PTPN13: variants seen among roughly 807,000 people sequenced by gnomAD.
The protein encoded by PTPN13 is tyrosine-protein phosphatase non-receptor type 13.
In PTPN13, 191 loss-of-function variants were observed where a neutral mutation model predicts 284.0. That is an observed-to-expected ratio of 0.67 (90% CI 0.60 to 0.76). The LOEUF is 0.76. Ranked by LOEUF, PTPN13 falls within the 30% of genes least tolerant of loss-of-function variation. PTPN13 has a pLI of 0.00. For synonymous variants in PTPN13, 986 were observed against 1,022.3 expected (o/e 0.96, Z 0.68); for missense variants, 2,797 against 2,939.9 (o/e 0.95, Z 1.12).
rs187776770 is a variant in PTPN13 at position 86,776,653 on chromosome 4, C to T, written c.5891+1001C>T. Among the ~76,000 whole-genome samples the T allele has an allele frequency of 4.5e-3, 680 of 152,334 alleles. 16 individuals carry two copies. Among genetic ancestry groups the T allele is most frequent in the East Asian group, 2.7e-3 (14 of 5,190 alleles). ...TTAAAATACCCAACCTACCAAACAT[C>T]ACAGCTTATTAGCCTAGCCTAGCCT... On this transcript the variant is annotated intron_variant, in intron 35 of 47. Coordinates refer to ENST00000411767, the MANE Select transcript of PTPN13 (RefSeq NM_080683.3).
intron 33 of PTPN13, 136 bp downstream of exon 33, chr4:86,774,667 G>T: frequency 1.9e-6 from 1 of 533,698 alleles, no homozygotes. Context: ...TAAAAGTAAA[G>T]GCCTTCATAT....
intron 2 of PTPN13, among the ~76,000 whole-genome samples, chr4:86,664,881 G>C (rs571666852): frequency 2.0e-5 from 3 of 152,248 alleles, no homozygotes; most frequent in South Asian, 2.1e-4. Context: ...CAAGAGACCT[G>C]CTTCCCTCTA....
intron 2 of PTPN13, among the ~76,000 whole-genome samples, chr4:86,670,649 T>C (rs150310422): frequency 4.5e-4 from 68 of 152,304 alleles, no homozygotes; most frequent in African/African-American, 1.6e-3. Context: ...ATTGGTCTCC[T>C]AGTGTTTGTT....
In PTPN13 at chr4:86,758,801, G is replaced by A. The variant is rs1705771056; in HGVS notation, c.3421+16G>A. The A allele has an allele frequency of 6.2e-7, 1 of 1,606,778 alleles. No homozygotes were observed. Among genetic ancestry groups the A allele is most frequent in the Admixed American group, 1.7e-5 (1 of 58,290 alleles). On this transcript the variant is annotated intron_variant, in intron 22 of 47. Coordinates refer to ENST00000411767, the MANE Select transcript of PTPN13 (RefSeq NM_080683.3). ...TTGAAGCCAGGTACTTTACATTTTG[G>A]TAGTTTTCTAAGTATTTTCTGACAG... is the stretch of plus-strand genomic sequence containing the variant.
chr4:86,773,410 T>G (rs1417824826), intron 32 of PTPN13, among the ~76,000 whole-genome samples: 1 of 141,046 alleles, frequency 7.1e-6, no homozygotes, highest in Non-Finnish European at 1.5e-5. Context: ...TGAATGTAAT[T>G]TTTTTTTTCT....
At chr4:86,791,994 A>G (rs1191969578) in intron 40 of PTPN13, among the ~76,000 whole-genome samples, 11 of 152,232 alleles carry the variant, frequency 7.2e-5, no homozygotes, top group Admixed American at 7.2e-4. Flanking sequence ...ACAAAACTGG[A>G]CAGAGGATGA....
chr4:86,787,155 G>T (rs1233070329), intron 40 of PTPN13, among the ~76,000 whole-genome samples: 1 of 151,406 alleles, frequency 6.6e-6, no homozygotes, highest in Non-Finnish European at 1.5e-5. Context: ...AGTAAGGAAA[G>T]CTTGTTAATA....
At chr4:86,771,059 C>T (rs1042847757) in intron 30 of PTPN13, 112 bp from the exon 31 acceptor site, 1 of 1,153,934 alleles carries the variant, frequency 8.7e-7, no homozygotes, top group South Asian at 1.9e-5. Context: ...CTTTTATCAT[C>T]AGAAAATTCA....
intron 19 of PTPN13, among the ~76,000 whole-genome samples, chr4:86,751,372 T>A (rs960091091): frequency 6.6e-6 from 1 of 152,136 alleles, no homozygotes; most frequent in Non-Finnish European, 1.5e-5. Context: ...TGTCACCCAG[T>A]CTGGAGTGCA....
Position 86,799,144 on chromosome 4 carries a change from A to G in PTPN13, c.6445A>G (p.Ile2149Val). Residue 2149 changes from isoleucine to valine, a missense_variant, in exon 42 of 48, where the codon ATA becomes GTA. Coordinates refer to ENST00000411767, the MANE Select transcript of PTPN13 (RefSeq NM_080683.3). ...AGAAAAGAAGACTGATGATGATGAAATAACATGGGGAAATGATGAGTTGCC... is the reference window on the plus strand; with the variant it reads ...AGAAAAGAAGACTGATGATGATGAAGTAACATGGGGAAATGATGAGTTGCC... ...PQEKKTDDDEITWGNDELPIE... is the reference protein window; with the variant it reads ...PQEKKTDDDEVTWGNDELPIE... 1 of 1,596,208 alleles carries G rather than the reference A, an allele frequency of 6.3e-7. No individual in the cohort carries two copies. Among genetic ancestry groups the G allele is most frequent in the Non-Finnish European group, 8.5e-7 (1 of 1,172,290 alleles).
chr4:86,680,787 C>T (rs1435559249), intron 3 of PTPN13, among the ~76,000 whole-genome samples: 1 of 152,174 alleles, frequency 6.6e-6, no homozygotes, highest in Non-Finnish European at 1.5e-5. Flanking sequence ...AGGCTGTAGC[C>T]AGTGATTATT....
intron 1 of PTPN13, among the ~76,000 whole-genome samples, chr4:86,604,622 C>T (rs541084762): frequency 6.3e-4 from 96 of 151,632 alleles, no homozygotes; most frequent in African/African-American, 2.0e-3. Context: ...CCGCCATGTC[C>T]CCTTGAATAT....
chr4:86,771,572 GGTT>G, intron 31 of PTPN13, 37 bp downstream of exon 31: 2 of 1,509,302 alleles, frequency 1.3e-6, no homozygotes, highest in African/African-American at 2.8e-5. Flanking sequence ...CAAAGCAACT[GGTT>G]GTTGTTAGTA....
In PTPN13 at chr4:86,766,381, T is replaced by C; in HGVS notation, c.4244-51T>C. On this transcript the variant is annotated intron_variant, in intron 26 of 47. Transcript: ENST00000411767. ...GAATACGAAATAAGACCATAAGATT[T>C]AAAAGAACATGTAGGATTTTTATTT... The C allele has an allele frequency of 1.0e-5, 14 of 1,405,594 alleles. No homozygotes were observed. The South Asian group carries it at 1.8e-4, about 18-fold the overall frequency. The allele number at this position is 1,405,594 out of a possible 1,614,324, so 87.1% of individuals were successfully genotyped here. A position where few individuals can be genotyped will look rare whatever the true frequency, so the allele number is the denominator to read the frequency against.
chr4:86,643,411 T>TA (rs1486430918), intron 2 of PTPN13, among the ~76,000 whole-genome samples: 4 of 152,166 alleles, frequency 2.6e-5, no homozygotes, highest in Admixed American at 6.5e-5. Context: ...AGTCTTATTA[T>TA]AAGTGAAAAT....
intron 1 of PTPN13, among the ~76,000 whole-genome samples, chr4:86,600,275 G>A (rs1356385355): frequency 6.6e-6 from 1 of 151,784 alleles, no homozygotes; most frequent in Non-Finnish European, 1.5e-5. Flanking sequence ...ACTGCTGTGT[G>A]GTTCATCCTA....
At chr4:86,655,819 TA>T (rs1455319029) in intron 2 of PTPN13, among the ~76,000 whole-genome samples, 2 of 152,348 alleles carry the variant, frequency 1.3e-5, no homozygotes, top group East Asian at 3.9e-4. Context: ...TTCTCCTGGA[TA>T]ATATCCTGCA....
chr4:86,787,602 A>G (rs1742099223), intron 40 of PTPN13, among the ~76,000 whole-genome samples: 1 of 152,196 alleles, frequency 6.6e-6, no homozygotes, highest in African/African-American at 2.4e-5. Context: ...CAAAAAAAAA[A>G]AAAAGTCCCT....
chr4:86,789,877 T>C (rs564367913), intron 40 of PTPN13, among the ~76,000 whole-genome samples: 5 of 151,276 alleles, frequency 3.3e-5, no homozygotes, highest in Admixed American at 6.6e-5. Flanking sequence ...GCAAGATTTA[T>C]TGTGAAGGGC....
Sources: gnomAD v4.1 joint callset for allele counts (sites outside exome capture counted in the v4.1 genomes callset) on GRCh38, gnomAD v4.1.1 for gene constraint, MANE v1.5 for transcripts, NCBI Gene and HGNC (gene_info 2026-07-23, HGNC 2026-07-21) for gene names.